CEPT1: variants seen among roughly 807,000 people sequenced by gnomAD.
CEPT1 encodes choline/ethanolamine phosphotransferase 1, also known as choline/ethanolaminephosphotransferase 1.
CEPT1 carries 7 observed loss-of-function variants against 42.6 expected under a neutral mutation model. The ratio of observed to expected loss-of-function variants is 0.16; its 90% CI spans 0.09 to 0.31. The LOEUF is 0.31. Ranked by LOEUF, CEPT1 falls within the 10% of genes least tolerant of loss-of-function variation. The pLI is 1.00. For missense variants in CEPT1, 306 were observed against 502.1 expected (o/e 0.61, Z 3.73); for synonymous variants, 171 against 171.9 (o/e 0.99, Z 0.04).
intron 1 of CEPT1, among the ~76,000 whole-genome samples, chr1:111,143,222 C>T (rs1654759555): frequency 6.6e-6 from 1 of 152,200 alleles, no homozygotes; most frequent in African/African-American, 2.4e-5. Context: ...CTCTCTCGTA[C>T]CTGAGCAAGA....
At chr1:111,164,748 G>A (rs1303926730) in intron 4 of CEPT1, among the ~76,000 whole-genome samples, 1 of 151,828 alleles carries the variant, frequency 6.6e-6, no homozygotes, top group Non-Finnish European at 1.5e-5. Flanking sequence ...AGCCTCCCGA[G>A]TAGCTAGGAC....
chr1:111,166,392 AC>A (rs1656146842), intron 4 of CEPT1, among the ~76,000 whole-genome samples: 1 of 152,178 alleles, frequency 6.6e-6, no homozygotes, highest in African/African-American at 2.4e-5. Context: ...TGTTTTACTT[AC>A]TTTTATCACT....
At chr1:111,157,041 G>A (rs1451026763) in intron 2 of CEPT1, among the ~76,000 whole-genome samples, 1 of 151,960 alleles carries the variant, frequency 6.6e-6, no homozygotes, top group Non-Finnish European at 1.5e-5. Flanking sequence ...AGGGTCTTAC[G>A]GCAACTGGGA....
rs1396935677 is a variant in CEPT1, at chr1:111,182,304, G to C, written c.832G>C (p.Gly278Arg). 1 of 1,612,768 alleles carries C rather than the reference G, an allele frequency of 6.2e-7. No homozygotes were observed. The highest frequency in any genetic ancestry group is 1.7e-5 in the Admixed American group (1 of 59,874). The change falls in exon 6 of 9, where the codon GGA (glycine) becomes CGA (arginine). Residue 278 changes from glycine to arginine, a missense_variant. By Grantham distance (125) the Gly-to-Arg change is moderately radical. This residue lies in a region of CEPT1 where 253 missense variants were observed against 447.3 expected (regional missense o/e 0.57). Transcript: ENST00000357172. ...CTTCACAGGTGGTGTTGGCAAAAAT[G>C]GATCAACAATAGCAGTAAGTATACC... ...VIFTGGVGKN[G>R]STIAGTSVLS...
intron 2 of CEPT1, among the ~76,000 whole-genome samples, chr1:111,156,074 G>C (rs372223377): frequency 6.6e-6 from 1 of 152,022 alleles, no homozygotes; most frequent in Non-Finnish European, 1.5e-5. Flanking sequence ...TTCTTTTGCT[G>C]TATCTTGTAG....
At chr1:111,169,060 A>G (rs1405316075) in intron 4 of CEPT1, among the ~76,000 whole-genome samples, 5 of 152,312 alleles carry the variant, frequency 3.3e-5, no homozygotes, top group African/African-American at 1.2e-4. Context: ...CCAAGTAAAT[A>G]GTTGTTATAC....
At chr1:111,152,988 T>C (rs1655365184) in intron 2 of CEPT1, among the ~76,000 whole-genome samples, 4 of 152,178 alleles carry the variant, frequency 2.6e-5, no homozygotes, top group Admixed American at 2.6e-4. Context: ...TTCCAGATCC[T>C]CTCTTCTAGC....
intron 8 of CEPT1, 109 bp from the exon 9 acceptor site, chr1:111,184,082 T>C: frequency 9.1e-7 from 1 of 1,104,350 alleles, no homozygotes; most frequent in Non-Finnish European, 1.3e-6. Flanking sequence ...TGAATTATTT[T>C]ATGGAATGGA....
intron 5 of CEPT1, among the ~76,000 whole-genome samples, chr1:111,177,153 G>T (rs1656718486): frequency 6.6e-6 from 1 of 152,160 alleles, no homozygotes; most frequent in Non-Finnish European, 1.5e-5. Context: ...TTAGTTCTTG[G>T]CCCCATGTCG....
At chr1:111,171,826 C>A (rs369469281) in intron 4 of CEPT1, among the ~76,000 whole-genome samples, 255 of 152,306 alleles carry the variant, frequency 1.7e-3, no homozygotes, top group South Asian at 5.6e-3. Flanking sequence ...ACAACCTCTG[C>A]CTACCTGGTT....
At chr1:111,167,716 C>G (rs1029210182) in intron 4 of CEPT1, 1 of 983,914 alleles carries the variant, frequency 1.0e-6, no homozygotes, top group African/African-American at 1.7e-5. Context: ...AAGCTATTCT[C>G]ATTTCTGTTT....
chr1:111,141,413 T>TA (rs1654545604), intron 1 of CEPT1, among the ~76,000 whole-genome samples: 1 of 152,254 alleles, frequency 6.6e-6, no homozygotes, highest in Non-Finnish European at 1.5e-5. Flanking sequence ...AATAAGTTAG[T>TA]AAATCTACCT....
intron 2 of CEPT1, among the ~76,000 whole-genome samples, chr1:111,152,461 A>C (rs1218882887): frequency 3.9e-5 from 6 of 152,176 alleles, no homozygotes; most frequent in Non-Finnish European, 8.8e-5. Context: ...ATAAAGTTTA[A>C]CAGTATTTTT....
chr1:111,182,171 T>G lies in CEPT1; in HGVS notation c.715-16T>G. 6.4e-7 allele frequency: 1 copy of G among 1,572,338 alleles called. No homozygotes were observed. The highest frequency in any genetic ancestry group is 8.7e-7 in the Non-Finnish European group (1 of 1,154,144). The stretch of plus-strand genomic sequence containing the variant: ...TTGTATATGTTTTAATTGTTTTCTC[T>G]CTCTACCCATTAAAGATTCCAGTGC... On this transcript the variant is annotated splice_polypyrimidine_tract_variant and intron_variant, in intron 5 of 8. Coordinates refer to ENST00000357172, the MANE Select transcript of CEPT1 (RefSeq NM_006090.5).
At chr1:111,183,853 A>G (rs529708685) in intron 8 of CEPT1, among the ~76,000 whole-genome samples, 2 of 152,306 alleles carry the variant, frequency 1.3e-5, no homozygotes, top group Admixed American at 6.5e-5. Context: ...ATGAATCAGC[A>G]TACTACACCC....
chr1:111,172,592 C>CA (rs376348064), intron 4 of CEPT1, among the ~76,000 whole-genome samples: 21 of 152,156 alleles, frequency 1.4e-4, no homozygotes, highest in African/African-American at 4.6e-4. Flanking sequence ...GTCTTCTAAA[C>CA]AAAATCATAA....
chr1:111,142,003 A>G (rs1175503162), intron 1 of CEPT1, among the ~76,000 whole-genome samples: 2 of 152,108 alleles, frequency 1.3e-5, no homozygotes, highest in Non-Finnish European at 2.9e-5. Context: ...ATTTCACACA[A>G]CAGGTTGTGT....
chr1:111,142,540 T>C (rs561802424), intron 1 of CEPT1, among the ~76,000 whole-genome samples: 12 of 152,280 alleles, frequency 7.9e-5, no homozygotes, highest in South Asian at 2.1e-4. Flanking sequence ...CTCGTAATCC[T>C]AGCTTCTCTG....
chr1:111,158,618 G>A (rs1252120729), intron 2 of CEPT1, among the ~76,000 whole-genome samples: 1 of 152,080 alleles, frequency 6.6e-6, no homozygotes, highest in Non-Finnish European at 1.5e-5. Context: ...GCAATATTAA[G>A]GACTAGAAGA....
Sources: allele counts gnomAD v4.1 joint callset (sites outside exome capture counted in the v4.1 genomes callset), GRCh38; gene constraint gnomAD v4.1.1; regional missense constraint gnomAD v4.1.1; transcripts MANE v1.5; gene names NCBI Gene and HGNC (gene_info 2026-07-23, HGNC 2026-07-21).